Variants in SCG5 observed in about 807,000 individuals in gnomAD.
The protein encoded by SCG5 is secretogranin V, also known as neuroendocrine protein 7B2.
In SCG5, 18 loss-of-function variants were observed where a neutral mutation model predicts 25.7. The observed-to-expected ratio is 0.70, with a 90% CI of 0.48 to 1.04. The LOEUF is 1.04. Ranked by LOEUF, SCG5 falls within the 50% of genes least tolerant of loss-of-function variation. The probability of loss-of-function intolerance (pLI) is 0.00; values close to 1 mark genes in which losing one functional copy is unlikely to be tolerated. For missense variants in SCG5, 206 were observed against 259.8 expected, an observed-to-expected ratio of 0.79 and a Z score of 1.42; for synonymous variants, 101 against 91.7, an observed-to-expected ratio of 1.10 and a Z score of -0.58.
Position 32,683,805 on chromosome 15 carries a change from A to G in SCG5, c.377-752A>G, listed in dbSNP as rs761067247. ...GCTTAAGCTGTTATCACAATAAAAC[A>G]CAACATCAAGTGCTGTGTGGAGATT... On this transcript the variant is annotated intron_variant, in intron 3 of 5. Coordinates refer to ENST00000300175, the MANE Select transcript of SCG5 (RefSeq NM_001144757.3). 1.8e-4 allele frequency among the ~76,000 whole-genome samples: 28 copies of G among 152,236 alleles called. 1 individual carries two copies. Among genetic ancestry groups the G allele is most frequent in the Admixed American group, 2.6e-4 (4 of 15,282 alleles).
chr15:32,677,608 G>A (rs1011296387), intron 2 of SCG5: 1 of 150,256 alleles, frequency 6.7e-6, no homozygotes, highest in Non-Finnish European at 1.5e-5. Context: ...TGTTGTTTTT[G>A]CCTGGTTTTG....
At chr15:32,676,131 C>G (rs964099641) in intron 2 of SCG5, among the ~76,000 whole-genome samples, 1 of 152,156 alleles carries the variant, frequency 6.6e-6, no homozygotes, top group Non-Finnish European at 1.5e-5. Flanking sequence ...AAAATTCTAG[C>G]TCCTGGAGTG....
rs567712183 is a variant in SCG5 at position 32,691,396 on chromosome 15, G to A, written c.490-314G>A. Among the ~76,000 whole-genome samples, 114 of 152,272 alleles carry A rather than the reference G, an allele frequency of 7.5e-4. 1 individual carries two copies. The highest frequency in any genetic ancestry group is 1.2e-3 in the Non-Finnish European group (84 of 68,018). On this transcript the variant is annotated intron_variant, in intron 4 of 5. Transcript: ENST00000300175. ...GATAAAATCATTTGTTTTAAACAAA[G>A]GCTGTTCAAAGTGAGGAGATGGGTT...
intron 4 of SCG5, among the ~76,000 whole-genome samples, chr15:32,691,012 G>A (rs923656079): frequency 2.0e-5 from 3 of 151,406 alleles, no homozygotes; most frequent in Non-Finnish European, 4.4e-5. Flanking sequence ...AGGGAAATCT[G>A]TTGAGCATGT....
intron 2 of SCG5, among the ~76,000 whole-genome samples, chr15:32,663,064 TATATATATATATATAA>T (rs1214022561): frequency 4.5e-5 from 2 of 44,656 alleles, no homozygotes; most frequent in African/African-American, 1.6e-4. Flanking sequence ...TATATATATA[TATATATATATATATAA>T]TATATAATAT....
At chr15:32,667,092 A>T (rs1173239490) in intron 2 of SCG5, among the ~76,000 whole-genome samples, 1 of 129,548 alleles carries the variant, frequency 7.7e-6, no homozygotes, top group African/African-American at 3.0e-5. Context: ...GATAATTTGG[A>T]TATATTGGGA....
chr15:32,685,246 A>T (rs1420521450), intron 4 of SCG5, among the ~76,000 whole-genome samples: 1 of 152,220 alleles, frequency 6.6e-6, no homozygotes, highest in East Asian at 1.9e-4. Flanking sequence ...AAGATAAATC[A>T]TGACCATTTG....
chr15:32,654,531 G>T (rs2054082908), intron 2 of SCG5, among the ~76,000 whole-genome samples: 1 of 152,190 alleles, frequency 6.6e-6, no homozygotes, highest in Non-Finnish European at 1.5e-5. Context: ...TTGGCTAGTT[G>T]ATCTAGTTAA....
intron 2 of SCG5, among the ~76,000 whole-genome samples, chr15:32,673,569 G>A (rs1402698754): frequency 6.4e-5 from 4 of 62,634 alleles, no homozygotes; most frequent in Non-Finnish European, 9.3e-5. Context: ...TGTGTTGTGC[G>A]GGGGAGGGTA....
chr15:32,688,958 C>CAAAAAAAAAAA (rs778404784), intron 4 of SCG5, among the ~76,000 whole-genome samples: 12 of 46,376 alleles, frequency 2.6e-4, no homozygotes, highest in Non-Finnish European at 5.2e-4. Context: ...GACTCCGTCT[C>CAAAAAAAAAAA]AAAAAAAAAA....
At chr15:32,683,451 C>T (rs958480423) in intron 3 of SCG5, among the ~76,000 whole-genome samples, 1 of 152,170 alleles carries the variant, frequency 6.6e-6, no homozygotes, top group Non-Finnish European at 1.5e-5. Context: ...TACATAAAAG[C>T]AGCATCTGAG....
rs1037349814 is a variant in SCG5 at position 32,692,292 on chromosome 15, A to G, written c.543+529A>G. ...GCCTAGCCAGACTGATGTAAAATCT[A>G]CTAGATCTGTAATATTTGTTTGCTG... On this transcript the variant is annotated intron_variant, in intron 5 of 5. Transcript: ENST00000300175. The G allele has an allele frequency of 7.1e-6, 7 of 984,828 alleles. No individual in the cohort carries two copies. The Admixed American group carries it at 1.8e-4, about 26-fold the overall frequency. 61.0% of individuals were successfully genotyped at this position (984,828 alleles called of 1,614,324 possible).
At chr15:32,671,525 G>A (rs986728816) in intron 2 of SCG5, among the ~76,000 whole-genome samples, 3 of 151,920 alleles carry the variant, frequency 2.0e-5, no homozygotes, top group African/African-American at 7.3e-5. Context: ...CTTTCTCTTT[G>A]CCTCTGTCTT....
At chr15:32,682,450 G>A (rs1286773379) in intron 3 of SCG5, among the ~76,000 whole-genome samples, 1 of 152,170 alleles carries the variant, frequency 6.6e-6, no homozygotes, top group Non-Finnish European at 1.5e-5. Context: ...AGCATACAGT[G>A]TAGTTCTAGC....
At position 32,643,788 on chromosome 15, in the gene SCG5, A is replaced by T. The variant is rs148575688; in HGVS notation, c.196A>T (p.Met66Leu). The change falls in exon 2 of 6, where the codon ATG (methionine) becomes TTG (leucine). Residue 66 changes from methionine (M) to leucine (L), a missense_variant. Transcript: ENST00000300175. ...AGTGGAATATCCAGCTCACCAGGCC[A>T]TGAATCTTGTGGGCCCCCAGAGCAT... The part of the protein sequence containing the change: ...PRVEYPAHQA[M>L]NLVGPQSIEG... 1.2e-4 allele frequency: 194 copies of T among 1,613,862 alleles called. 1 individual carries two copies. In the East Asian group the frequency reaches 3.7e-3, roughly 31 times the overall value.
At chr15:32,677,199 T>C (rs1434946035) in intron 2 of SCG5, among the ~76,000 whole-genome samples, 1 of 152,186 alleles carries the variant, frequency 6.6e-6, no homozygotes, top group Admixed American at 6.5e-5. Context: ...TTCTCATCAT[T>C]CTCATTACAA....
chr15:32,643,408 A>C (rs1045303291), intron 1 of SCG5, among the ~76,000 whole-genome samples, 178 bp from the exon 2 acceptor site: 3 of 152,172 alleles, frequency 2.0e-5, no homozygotes, highest in African/African-American at 7.2e-5. Flanking sequence ...ACCTTTCTGC[A>C]ATGATGCTCT....
At chr15:32,696,180 T>C (rs1036491922) in intron 5 of SCG5, among the ~76,000 whole-genome samples, 4 of 152,074 alleles carry the variant, frequency 2.6e-5, no homozygotes, top group Non-Finnish European at 5.9e-5. Flanking sequence ...TGCAGTGGCA[T>C]GACGTCTGCT....
intron 4 of SCG5, among the ~76,000 whole-genome samples, chr15:32,685,810 T>G (rs2054698924): frequency 6.6e-6 from 1 of 152,242 alleles, no homozygotes; most frequent in Non-Finnish European, 1.5e-5. Context: ...CCAGTACGTC[T>G]GTGGAATGAA....
Sources: allele counts gnomAD v4.1 joint callset (sites outside exome capture counted in the v4.1 genomes callset), GRCh38; gene constraint gnomAD v4.1.1; transcripts MANE v1.5; gene names NCBI Gene and HGNC (gene_info 2026-07-23, HGNC 2026-07-21).